BMP2K: variants seen among roughly 807,000 people sequenced by gnomAD.
BMP2K encodes the protein BMP-2-inducible protein kinase.
A neutral mutation model predicts 116.0 loss-of-function variants in BMP2K; 74 were observed. The observed-to-expected ratio is 0.64, with a 90% CI of 0.53 to 0.77. The LOEUF (loss-of-function observed/expected upper bound fraction) is 0.77. Ranked by LOEUF, BMP2K falls within the 30% of genes least tolerant of loss-of-function variation. The pLI is 0.00. For missense variants in BMP2K, 1,365 were observed against 1,403.6 expected (o/e 0.97, Z 0.44); for synonymous variants, 486 against 502.5 (o/e 0.97, Z 0.44).
intron 7 of BMP2K, among the ~76,000 whole-genome samples, chr4:78,857,627 C>G (rs1055091138): frequency 1.3e-5 from 2 of 152,018 alleles, no homozygotes; most frequent in African/African-American, 4.8e-5. Context: ...AAACCATACC[C>G]CTTTCTTTTA....
chr4:78,809,090 C>T (rs1045852023), intron 1 of BMP2K, among the ~76,000 whole-genome samples: 2 of 152,130 alleles, frequency 1.3e-5, no homozygotes, highest in Non-Finnish European at 2.9e-5. Flanking sequence ...CTGTTTCTCT[C>T]CTCAATTCTG....
rs571553185 is a variant in BMP2K at position 78,830,344 on chromosome 4, A to G, written c.298-3238A>G. On this transcript the variant is annotated intron_variant, in intron 2 of 15. Transcript: ENST00000502613. The stretch of plus-strand genomic sequence containing the variant: ...GCTGGAAACAGATGTAATGTCATTC[A>G]GGCTTTGTTGTTTTATTTATAGAGC... 3.9e-5 allele frequency among the ~76,000 whole-genome samples: 6 copies of G among 152,334 alleles called. No individual in the cohort carries two copies. The East Asian group carries it at 7.7e-4, about 20-fold the overall frequency.
At chr4:78,823,524 AGTTATATATATG>A (rs1244996291) in intron 1 of BMP2K, among the ~76,000 whole-genome samples, 2 of 147,786 alleles carry the variant, frequency 1.4e-5, no homozygotes, top group South Asian at 2.1e-4. Context: ...TTATATATAT[AGTTATATATATG>A]GTTATATATA....
chr4:78,797,003 T>A (rs1257272285), intron 1 of BMP2K, among the ~76,000 whole-genome samples: 1 of 152,148 alleles, frequency 6.6e-6, no homozygotes, highest in African/African-American at 2.4e-5. Flanking sequence ...GCATGGGAGT[T>A]GTGATGAGGG....
chr4:78,894,021 ATCT>A (rs982961492), intron 15 of BMP2K, among the ~76,000 whole-genome samples: 52 of 152,198 alleles, frequency 3.4e-4, no homozygotes, highest in African/African-American at 1.2e-3. Context: ...TTTGAAAGGA[ATCT>A]TCTTTTCTGA....
At position 78,845,031 on chromosome 4, in the gene BMP2K, TAGA is replaced by T. The variant is rs1481636588; in HGVS notation, c.658_660del (p.Glu220del). 1.3e-6 allele frequency: 2 copies of T among 1,577,882 alleles called. No individual in the cohort carries two copies. The highest frequency in any genetic ancestry group is 1.7e-6 in the Non-Finnish European group (2 of 1,153,260). ...CCTCAAAAAGATGGAGTTAATGTAG[TAGA>T]AGAAGAAATTAAAAAGTAAGTATTT... On this transcript the variant is annotated inframe_deletion, in exon 5 of 16. Coordinates refer to ENST00000502613, the MANE Select transcript of BMP2K (RefSeq NM_198892.2).
chr4:78,818,465 G>T (rs1466705022), intron 1 of BMP2K, among the ~76,000 whole-genome samples: 1 of 152,174 alleles, frequency 6.6e-6, no homozygotes, highest in Non-Finnish European at 1.5e-5. Flanking sequence ...TCTGACTGGC[G>T]TGAGATGGTA....
At chr4:78,812,584 G>A (rs189144108) in intron 1 of BMP2K, among the ~76,000 whole-genome samples, 18 of 152,208 alleles carry the variant, frequency 1.2e-4, no homozygotes, top group Non-Finnish European at 1.2e-4. Flanking sequence ...CTCCTTCCCC[G>A]GGGGAAGACT....
chr4:78,785,529 T>C (rs1036066916), intron 1 of BMP2K, among the ~76,000 whole-genome samples: 1 of 152,238 alleles, frequency 6.6e-6, no homozygotes. Flanking sequence ...GAATACTATT[T>C]AGTTTCAGTG....
At chr4:78,835,407 C>G (rs1360323764) in intron 3 of BMP2K, among the ~76,000 whole-genome samples, 1 of 151,930 alleles carries the variant, frequency 6.6e-6, no homozygotes, top group African/African-American at 2.4e-5. Context: ...GGGTTGATCA[C>G]AAGGTCAGGA....
At chr4:78,856,098 A>AT (rs1357773111) in intron 7 of BMP2K, among the ~76,000 whole-genome samples, 1 of 152,208 alleles carries the variant, frequency 6.6e-6, no homozygotes, top group African/African-American at 2.4e-5. Context: ...TGAAGTAGCA[A>AT]TTAATAAAAC....
At chr4:78,848,070 A>G (rs1166116027) in intron 6 of BMP2K, among the ~76,000 whole-genome samples, 1 of 151,568 alleles carries the variant, frequency 6.6e-6, no homozygotes, top group African/African-American at 2.4e-5. Context: ...AACCAAATGA[A>G]TATCTCCTTG....
At chr4:78,858,292 GATAAA>G (rs772076851) in intron 7 of BMP2K, among the ~76,000 whole-genome samples, 11 of 151,870 alleles carry the variant, frequency 7.2e-5, no homozygotes, top group Admixed American at 2.0e-4. Flanking sequence ...TTGGTATCAA[GATAAA>G]ATAAATTTTG....
chr4:78,853,320 A>G (rs1731346783), intron 7 of BMP2K, among the ~76,000 whole-genome samples: 1 of 152,040 alleles, frequency 6.6e-6, no homozygotes, highest in Admixed American at 6.6e-5. Flanking sequence ...ACCATTATTT[A>G]CTCTTCATAA....
chr4:78,883,196 G>A (rs981165404), intron 14 of BMP2K, among the ~76,000 whole-genome samples: 2 of 152,018 alleles, frequency 1.3e-5, no homozygotes, highest in Admixed American at 6.5e-5. Flanking sequence ...TCTCATATTG[G>A]ATAATCAAGC....
intron 1 of BMP2K, among the ~76,000 whole-genome samples, chr4:78,811,885 G>A (rs570527440): frequency 1.3e-5 from 2 of 152,082 alleles, no homozygotes; most frequent in African/African-American, 2.4e-5. Flanking sequence ...AACTGACTCG[G>A]TTAGGGATTA....
chr4:78,840,873 A>C (rs1206568324), intron 3 of BMP2K, among the ~76,000 whole-genome samples: 2 of 152,154 alleles, frequency 1.3e-5, no homozygotes, highest in African/African-American at 2.4e-5. Flanking sequence ...ATTGAGTTCA[A>C]GGTTATGATT....
At chr4:78,849,886 A>G (rs1385239828) in intron 6 of BMP2K, among the ~76,000 whole-genome samples, 1 of 151,728 alleles carries the variant, frequency 6.6e-6, no homozygotes, top group Non-Finnish European at 1.5e-5. Flanking sequence ...GTTTAGGTCT[A>G]TTATAAGCTC....
At chr4:78,909,877 G>A (rs1342923138) in intron 15 of BMP2K, among the ~76,000 whole-genome samples, 6 of 152,122 alleles carry the variant, frequency 3.9e-5, no homozygotes, top group Admixed American at 1.3e-4. Context: ...TATTTCTTTC[G>A]TTGAATGAAC....
Sources: allele counts gnomAD v4.1 joint callset (sites outside exome capture counted in the v4.1 genomes callset), GRCh38; gene constraint gnomAD v4.1.1; transcripts MANE v1.5; gene names NCBI Gene and HGNC (gene_info 2026-07-23, HGNC 2026-07-21).